The following POC1A variants were observed in gnomAD, a reference collection of about 807,000 sequenced individuals.
POC1A encodes POC1 centriolar protein homolog A.
In POC1A, 34 loss-of-function variants were observed where a neutral mutation model predicts 47.8. The observed-to-expected ratio is 0.71, with a 90% CI of 0.54 to 0.95. The LOEUF is 0.95. POC1A is among the 40% of genes least tolerant of loss of function. POC1A has a pLI of 0.00. For synonymous variants in POC1A, 177 were observed against 207.6 expected (o/e 0.85, Z 1.27); for missense variants, 466 against 528.3 (o/e 0.88, Z 1.16).
Position 52,084,335 on chromosome 3 carries a change from G to T in POC1A, c.1126-8350C>A, listed in dbSNP as rs550863577. ...CCCTCATGCACTCATGGGCAAACATGGCAGGGAAGCTGGAGCCGTAACTTC... is the reference window on the plus strand; with the variant it reads ...CCCTCATGCACTCATGGGCAAACATTGCAGGGAAGCTGGAGCCGTAACTTC... On this transcript the variant is annotated intron_variant, in intron 10 of 10. Coordinates refer to ENST00000296484, the MANE Select transcript of POC1A (RefSeq NM_015426.5). This position sits in a 1 kb window ranked among gnomAD's most constrained non-coding sequence, Gnocchi z 4.3. Among the ~76,000 whole-genome samples, 2 of 152,304 alleles carry T rather than the reference G, an allele frequency of 1.3e-5. No homozygotes were observed. The highest frequency in any genetic ancestry group is 4.8e-5 in the African/African-American group (2 of 41,556).
intron 9 of POC1A, among the ~76,000 whole-genome samples, chr3:52,111,983 A>G (rs1703403544): frequency 6.6e-6 from 1 of 152,214 alleles, no homozygotes; most frequent in Admixed American, 6.5e-5. Flanking sequence ...CTGGGACAGA[A>G]CAACAGGGCT....
chr3:52,138,336 G>A (rs746450256), intron 6 of POC1A, 34 bp from the exon 7 acceptor site: 41 of 1,589,424 alleles, frequency 2.6e-5, no homozygotes, highest in Admixed American at 3.6e-5. Flanking sequence ...TGCTGGCTAG[G>A]AGGCACAGGG....
rs1702084819 is a variant in POC1A at position 52,075,257 on chromosome 3, A to G, written c.*630T>C. On this transcript the variant is annotated 3_prime_UTR_variant, in exon 11 of 11. Coordinates refer to ENST00000296484, the MANE Select transcript of POC1A (RefSeq NM_015426.5). ...ATAAGCCACTCCTGCAACAAGTGCA[A>G]TGAAGTCAGGTTTAATTTTGAGATT... 1 of 152,506 alleles carries G rather than the reference A, an allele frequency of 6.6e-6. No homozygotes were observed. Among genetic ancestry groups the G allele is most frequent in the African/African-American group, 2.4e-5 (1 of 41,452 alleles). 9.4% of individuals were successfully genotyped at this position (152,506 alleles called of 1,614,324 possible).
intron 9 of POC1A, among the ~76,000 whole-genome samples, chr3:52,118,757 C>T (rs1017422059): frequency 6.6e-6 from 1 of 152,212 alleles, no homozygotes; most frequent in Non-Finnish European, 1.5e-5. Flanking sequence ...GAGTATTTCA[C>T]AAGGCTTCAG....
intron 3 of POC1A, 85 bp from the exon 4 acceptor site, chr3:52,149,474 A>C: frequency 3.9e-6 from 5 of 1,293,478 alleles, no homozygotes; most frequent in Non-Finnish European, 5.5e-6. Flanking sequence ...CCTACTCCTC[A>C]AGCACCCCTC....
chr3:52,143,383 G>A (rs953975434), intron 6 of POC1A, among the ~76,000 whole-genome samples: 2 of 151,854 alleles, frequency 1.3e-5, no homozygotes, highest in Non-Finnish European at 2.9e-5. Context: ...AGTACCCACC[G>A]CTCTCCTCGG....
At chr3:52,117,959 G>A (rs879758377) in intron 9 of POC1A, among the ~76,000 whole-genome samples, 4 of 152,242 alleles carry the variant, frequency 2.6e-5, no homozygotes, top group Non-Finnish European at 5.9e-5. Context: ...GGGTCTTTAT[G>A]CCTCGGGGTC....
At chr3:52,091,088 CT>C (rs1356738827) in intron 10 of POC1A, among the ~76,000 whole-genome samples, 1 of 152,192 alleles carries the variant, frequency 6.6e-6, no homozygotes, top group Non-Finnish European at 1.5e-5. Flanking sequence ...AGCCAACTTT[CT>C]CAGAAGACTT....
intron 9 of POC1A, among the ~76,000 whole-genome samples, chr3:52,122,117 A>G (rs1335841829): frequency 6.6e-6 from 1 of 152,224 alleles, no homozygotes; most frequent in Non-Finnish European, 1.5e-5. Flanking sequence ...TGCCATGGCA[A>G]CACGCTCCCA....
chr3:52,151,736 T>C (rs991154635), intron 1 of POC1A, among the ~76,000 whole-genome samples: 1 of 151,850 alleles, frequency 6.6e-6, no homozygotes, highest in Admixed American at 6.6e-5. Context: ...TCCACATTCA[T>C]GAACAGGAAG....
intron 10 of POC1A, among the ~76,000 whole-genome samples, chr3:52,083,534 C>G (rs1047573676): frequency 6.6e-6 from 1 of 152,224 alleles, no homozygotes; most frequent in Non-Finnish European, 1.5e-5. Context: ...TCAGCCCCAG[C>G]CTCTTTTTCT....
chr3:52,144,408 C>T (rs1330994210), intron 6 of POC1A, among the ~76,000 whole-genome samples: 1 of 152,204 alleles, frequency 6.6e-6, no homozygotes, highest in African/African-American at 2.4e-5. Flanking sequence ...AACCTCAGGG[C>T]TTCCTATGGA....
At chr3:52,085,964 G>A (rs1439144967) in intron 10 of POC1A, among the ~76,000 whole-genome samples, 2 of 152,210 alleles carry the variant, frequency 1.3e-5, no homozygotes, top group Admixed American at 1.3e-4. Flanking sequence ...GCTTGATGAG[G>A]CCCCAAATAG....
At chr3:52,098,242 C>A (rs916247193) in intron 9 of POC1A, among the ~76,000 whole-genome samples, 1 of 152,202 alleles carries the variant, frequency 6.6e-6, no homozygotes, top group African/African-American at 2.4e-5. Flanking sequence ...CAGACACACA[C>A]TCTTCCACTG....
chr3:52,101,090 CAAAAAAA>C (rs146285042), intron 9 of POC1A, among the ~76,000 whole-genome samples: 177 of 56,988 alleles, frequency 3.1e-3, no homozygotes, highest in Non-Finnish European at 5.3e-3. Flanking sequence ...CAACCCTCAG[CAAAAAAA>C]AAAAAAAAAA....
intron 10 of POC1A, among the ~76,000 whole-genome samples, chr3:52,083,486 C>T (rs557990499): frequency 3.9e-5 from 6 of 152,310 alleles, no homozygotes; most frequent in African/African-American, 1.2e-4. Context: ...CTCCTTTCTC[C>T]TGCTGGCCAC....
intron 10 of POC1A, among the ~76,000 whole-genome samples, chr3:52,089,625 C>G (rs559003972): frequency 1.3e-5 from 2 of 152,176 alleles, no homozygotes; most frequent in African/African-American, 4.8e-5. Context: ...ATGGCCCTGT[C>G]TGCGAGTGGA....
At chr3:52,149,424 A>C in intron 3 of POC1A, 35 bp from the exon 4 acceptor site, 6 of 1,600,168 alleles carry the variant, frequency 3.7e-6, no homozygotes, top group Non-Finnish European at 5.1e-6. Flanking sequence ...AAGGAAACCC[A>C]TAACAGTGAC....
chr3:52,099,495 C>G (rs555415034), intron 9 of POC1A, among the ~76,000 whole-genome samples: 217 of 152,340 alleles, frequency 1.4e-3, no homozygotes, highest in Non-Finnish European at 2.6e-3. Context: ...TTTGTCTGTT[C>G]AACATCAAAG....
Sources: gnomAD v4.1 joint callset for allele counts (sites outside exome capture counted in the v4.1 genomes callset) on GRCh38, gnomAD v4.1.1 for gene constraint, Gnocchi (gnomAD v3.1) non-coding constraint, MANE v1.5 for transcripts, NCBI Gene and HGNC (gene_info 2026-07-23, HGNC 2026-07-21) for gene names.